Variants in GPC6 observed in about 807,000 individuals in gnomAD.
GPC6 encodes glypican 6.
In GPC6, 14 loss-of-function variants were observed where a neutral mutation model predicts 55.2. The observed-to-expected ratio is 0.25, with a 90% CI of 0.17 to 0.40. GPC6 has a LOEUF of 0.40. GPC6 is among the 10% of genes least tolerant of loss of function. The pLI, the probability that GPC6 is intolerant of heterozygous loss-of-function variation, is 1.00. For synonymous variants in GPC6, 278 were observed against 259.6 expected (o/e 1.07, Z -0.68); for missense variants, 641 against 708.5 (o/e 0.90, Z 1.08).
At chr13:93,987,673 C>T (rs1881092274) in intron 3 of GPC6, among the ~76,000 whole-genome samples, 1 of 152,144 alleles carries the variant, frequency 6.6e-6, no homozygotes, top group Non-Finnish European at 1.5e-5. Flanking sequence ...AAAGCTATTT[C>T]TATACAATCA....
intron 4 of GPC6, among the ~76,000 whole-genome samples, chr13:94,220,335 T>C (rs1163993024): frequency 6.6e-6 from 1 of 152,132 alleles, no homozygotes; most frequent in Non-Finnish European, 1.5e-5. Flanking sequence ...TGTTCAAATC[T>C]TCTGTATTGC....
At chr13:93,546,920 A>C (rs1349912667) in intron 2 of GPC6, among the ~76,000 whole-genome samples, 1 of 152,232 alleles carries the variant, frequency 6.6e-6, no homozygotes, top group Non-Finnish European at 1.5e-5. Context: ...AAGTGATTTT[A>C]AAATAATTCC....
intron 4 of GPC6, among the ~76,000 whole-genome samples, chr13:94,107,008 G>T (rs1258348004): frequency 6.6e-6 from 1 of 152,092 alleles, no homozygotes; most frequent in Non-Finnish European, 1.5e-5. Context: ...ATGTTCAGCC[G>T]GACTAAGGGT....
intron 1 of GPC6, among the ~76,000 whole-genome samples, chr13:93,535,483 T>C (rs1358432261): frequency 6.6e-6 from 1 of 152,144 alleles, no homozygotes; most frequent in Non-Finnish European, 1.5e-5. Flanking sequence ...GCTGTTGTAA[T>C]GCCAAAGTAG....
At chr13:93,406,796 T>C (rs1876308800) in intron 1 of GPC6, among the ~76,000 whole-genome samples, 1 of 152,076 alleles carries the variant, frequency 6.6e-6, no homozygotes, top group Non-Finnish European at 1.5e-5. Flanking sequence ...AATCTACTCA[T>C]TAAGGAACCA....
At chr13:93,575,727 C>A (rs1876632473) in intron 2 of GPC6, among the ~76,000 whole-genome samples, 1 of 152,104 alleles carries the variant, frequency 6.6e-6, no homozygotes, top group Admixed American at 6.6e-5. Flanking sequence ...GTTTTGATAA[C>A]TATCATCCAT....
chr13:93,452,606 T>C (rs935291188), intron 1 of GPC6, among the ~76,000 whole-genome samples: 2 of 152,262 alleles, frequency 1.3e-5, no homozygotes, highest in African/African-American at 2.4e-5. Flanking sequence ...TTTTTGTTTA[T>C]ACTAATGATC....
chr13:93,707,921 G>A (rs552266022), intron 2 of GPC6, among the ~76,000 whole-genome samples: 32 of 151,700 alleles, frequency 2.1e-4, no homozygotes, highest in African/African-American at 6.3e-4. Context: ...AGCCAGTAAC[G>A]AAATCAACAA....
intron 1 of GPC6, among the ~76,000 whole-genome samples, chr13:93,397,746 T>C (rs192702245): frequency 1.1e-4 from 17 of 152,116 alleles, no homozygotes; most frequent in African/African-American, 4.1e-4. Context: ...GATAACCATG[T>C]TCTTTTCTCC....
At chr13:93,803,056 C>G (rs1886428772) in intron 2 of GPC6, among the ~76,000 whole-genome samples, 1 of 152,158 alleles carries the variant, frequency 6.6e-6, no homozygotes, top group South Asian at 2.1e-4. Flanking sequence ...AGTATTCTTG[C>G]ATTCATGCTG....
intron 4 of GPC6, among the ~76,000 whole-genome samples, chr13:94,213,811 GA>G (rs1566551284): frequency 1.3e-5 from 2 of 152,154 alleles, no homozygotes; most frequent in Non-Finnish European, 2.9e-5. Context: ...CAGAAGTAAA[GA>G]AATAGACTTT....
intron 4 of GPC6, among the ~76,000 whole-genome samples, chr13:94,136,705 A>G (rs1402190879): frequency 3.3e-5 from 5 of 152,174 alleles, no homozygotes; most frequent in African/African-American, 4.8e-5. Context: ...GCGAGACTCC[A>G]TCTCAAAAAA....
At chr13:93,784,444 A>G (rs1885760326) in intron 2 of GPC6, among the ~76,000 whole-genome samples, 1 of 152,150 alleles carries the variant, frequency 6.6e-6, no homozygotes, top group East Asian at 1.9e-4. Context: ...AATGTACTCC[A>G]GCTGAGTAGG....
chr13:94,139,593 G>A (rs752725871), intron 4 of GPC6, among the ~76,000 whole-genome samples: 1 of 152,160 alleles, frequency 6.6e-6, no homozygotes, highest in Non-Finnish European at 1.5e-5. Flanking sequence ...TCCTATCAAG[G>A]TGATGGGAAG....
Position 93,712,741 on chromosome 13 carries a change from C to A in GPC6, c.320-117413C>A, listed in dbSNP as rs149123804. Among the ~76,000 whole-genome samples, 8 of 151,512 alleles carry A rather than the reference C, an allele frequency of 5.3e-5. 1 individual carries two copies. In the South Asian group the frequency reaches 1.5e-3, roughly 28 times the overall value. ...TATATTAGGTGGTGTAAAATTAATA[C>A]CAGTTTTTGCCATTTTTTTAAGTAT... On this transcript the variant is annotated intron_variant, in intron 2 of 8. Transcript: ENST00000377047.
intron 2 of GPC6, among the ~76,000 whole-genome samples, chr13:93,717,110 C>T (rs925962860): frequency 6.6e-6 from 1 of 151,456 alleles, no homozygotes; most frequent in Non-Finnish European, 1.5e-5. Context: ...GGATGCATTA[C>T]TCAAAACATC....
At chr13:94,309,994 A>G (rs1876156188) in intron 6 of GPC6, among the ~76,000 whole-genome samples, 1 of 152,222 alleles carries the variant, frequency 6.6e-6, no homozygotes, top group Non-Finnish European at 1.5e-5. Context: ...ATGTGAAACT[A>G]TAATTTTTTA....
At chr13:93,889,455 C>T (rs1875535759) in intron 3 of GPC6, among the ~76,000 whole-genome samples, 1 of 152,176 alleles carries the variant, frequency 6.6e-6, no homozygotes, top group African/African-American at 2.4e-5. Flanking sequence ...CCATATTATT[C>T]ACCAGTTTTG....
chr13:94,378,175 A>G (rs527848493), intron 6 of GPC6, among the ~76,000 whole-genome samples: 1 of 152,142 alleles, frequency 6.6e-6, no homozygotes, highest in Non-Finnish European at 1.5e-5. Context: ...GTGCACATGT[A>G]CCCTAAAACT....
Sources: gnomAD v4.1 joint callset for allele counts (sites outside exome capture counted in the v4.1 genomes callset) on GRCh38, gnomAD v4.1.1 for gene constraint, MANE v1.5 for transcripts, NCBI Gene and HGNC (gene_info 2026-07-23, HGNC 2026-07-21) for gene names.